PAQR5: variants seen among roughly 807,000 people sequenced by gnomAD.
The protein encoded by PAQR5 is membrane progestin receptor gamma.
A neutral mutation model predicts 34.5 loss-of-function variants in PAQR5; 20 were observed. That is an observed-to-expected ratio of 0.58 (90% CI 0.41 to 0.84). PAQR5 has a LOEUF of 0.84. Ranked by LOEUF, PAQR5 falls within the 40% of genes least tolerant of loss-of-function variation. The pLI is 0.00. For synonymous variants in PAQR5, 131 were observed against 155.6 expected (o/e 0.84, Z 1.18); for missense variants, 378 against 412.7 (o/e 0.92, Z 0.73).
At chr15:69,401,004 G>A (rs540039243) in intron 8 of PAQR5, 3 of 152,368 alleles carry the variant, frequency 2.0e-5, no homozygotes, top group Admixed American at 6.5e-5. Context: ...AGATGAACCT[G>A]AGCTCACTTA....
chr15:69,352,745 C>A (rs557579486), intron 2 of PAQR5, among the ~76,000 whole-genome samples: 2 of 152,148 alleles, frequency 1.3e-5, no homozygotes, highest in Non-Finnish European at 2.9e-5. Flanking sequence ...TGCTTGGAAG[C>A]AGAAATGGCC....
intron 3 of PAQR5, among the ~76,000 whole-genome samples, chr15:69,367,969 A>T (rs558954296): frequency 3.6e-4 from 55 of 152,148 alleles, no homozygotes; most frequent in Non-Finnish European, 7.2e-4. Flanking sequence ...GGCCAAAAAC[A>T]ATTCCCATGG....
At chr15:69,368,317 T>C (rs901751623) in intron 3 of PAQR5, among the ~76,000 whole-genome samples, 6 of 152,234 alleles carry the variant, frequency 3.9e-5, no homozygotes, top group African/African-American at 1.2e-4. Context: ...CCTCCCAAAG[T>C]GCTGGGATTA....
rs2140915423 is a variant in PAQR5 at position 69,379,885 on chromosome 15, G to A, written c.54G>A (p.Val18=). Reference sequence around the variant, plus strand: ...GTCCTTTTCCTTTGCCTCTGCAGGTGTTCCATGAGCAAGGCATCCTGTTCG... The same window carrying A: ...GTCCTTTTCCTTTGCCTCTGCAGGTATTCCATGAGCAAGGCATCCTGTTCG... ...RLFSIDQIPQ[V]FHEQGILFGY... The change falls in exon 4 of 9, where the codon GTG becomes GTA. Residue 18 remains valine, a splice_region_variant and synonymous_variant. Transcript: ENST00000395407. 6.2e-7 allele frequency: 1 copy of A among 1,613,652 alleles called. No homozygotes were observed.
intron 1 of PAQR5, among the ~76,000 whole-genome samples, chr15:69,308,532 A>G (rs1299139063): frequency 1.3e-5 from 2 of 152,094 alleles, no homozygotes; most frequent in Non-Finnish European, 2.9e-5. Flanking sequence ...TATGCAACAG[A>G]TGCCAGTAGC....
intron 2 of PAQR5, among the ~76,000 whole-genome samples, chr15:69,355,344 T>TTTCTTTTTTTCTTTCTTTCTTTC (rs2055042883): frequency 1.8e-5 from 1 of 56,218 alleles, no homozygotes; most frequent in African/African-American, 6.8e-5. Flanking sequence ...TTCTTTCTTT[T>TTTCTTTTTTTCTTTCTTTCTTTC]TTTCTTTCTT....
chr15:69,309,147 T>C (rs1381193833), intron 1 of PAQR5, among the ~76,000 whole-genome samples: 1 of 151,634 alleles, frequency 6.6e-6, no homozygotes, highest in African/African-American at 2.4e-5. Context: ...AGCCATGGGG[T>C]GGATGGGACA....
At chr15:69,389,524 C>A in intron 5 of PAQR5, 130 bp from the exon 6 acceptor site, 1 of 1,163,862 alleles carries the variant, frequency 8.6e-7, no homozygotes, top group Non-Finnish European at 1.2e-6. Flanking sequence ...GGGAATGGCA[C>A]CAGCGAGGGC....
At chr15:69,331,415 T>C (rs2054377240) in intron 1 of PAQR5, among the ~76,000 whole-genome samples, 1 of 152,154 alleles carries the variant, frequency 6.6e-6, no homozygotes, top group African/African-American at 2.4e-5. Context: ...AATAGGAGGA[T>C]AGTTTGGAAG....
chr15:69,330,916 C>T (rs1425409733), intron 1 of PAQR5, among the ~76,000 whole-genome samples: 1 of 152,202 alleles, frequency 6.6e-6, no homozygotes, highest in Non-Finnish European at 1.5e-5. Flanking sequence ...TGGCTACCTG[C>T]CCATGGTTCG....
intron 8 of PAQR5, among the ~76,000 whole-genome samples, chr15:69,402,300 T>G (rs1234359542): frequency 1.3e-5 from 2 of 152,048 alleles, no homozygotes; most frequent in African/African-American, 2.4e-5. Flanking sequence ...TGCATGTCTG[T>G]GTCCTAATCT....
At chr15:69,395,193 G>A (rs1056030132) in intron 6 of PAQR5, among the ~76,000 whole-genome samples, 1 of 152,216 alleles carries the variant, frequency 6.6e-6, no homozygotes, top group African/African-American at 2.4e-5. Context: ...GAAGGCCGGT[G>A]AGGCAGATAC....
intron 1 of PAQR5, among the ~76,000 whole-genome samples, chr15:69,300,942 T>TCCTTCTTTCTTTCTTC (rs1417159691): frequency 4.2e-5 from 1 of 24,070 alleles, no homozygotes; most frequent in East Asian, 1.3e-3. Flanking sequence ...TCTCTCTCTT[T>TCCTTCTTTCTTTCTTC]CTTTCCTTCT....
At chr15:69,394,378 G>A (rs765016411) in intron 6 of PAQR5, among the ~76,000 whole-genome samples, 2 of 152,120 alleles carry the variant, frequency 1.3e-5, no homozygotes, top group African/African-American at 2.4e-5. Flanking sequence ...ATGGGGAAAT[G>A]TCTACATCCC....
chr15:69,328,913 C>T (rs1003019923), intron 1 of PAQR5, among the ~76,000 whole-genome samples: 6 of 152,220 alleles, frequency 3.9e-5, no homozygotes, highest in Non-Finnish European at 7.3e-5. Context: ...TCCCAGCCAC[C>T]GGACCAGTTT....
intron 1 of PAQR5, among the ~76,000 whole-genome samples, chr15:69,306,373 A>G (rs1034190498): frequency 1.4e-5 from 2 of 145,068 alleles, no homozygotes; most frequent in African/African-American, 5.0e-5. Context: ...TTTAACCTTT[A>G]CCATTTAACC....
At chr15:69,327,745 G>A (rs1299452820) in intron 1 of PAQR5, among the ~76,000 whole-genome samples, 1 of 152,098 alleles carries the variant, frequency 6.6e-6, no homozygotes, top group Non-Finnish European at 1.5e-5. Context: ...TTTCCAGCAA[G>A]AACAGTTTTA....
At chr15:69,373,804 A>G (rs993120656) in intron 3 of PAQR5, among the ~76,000 whole-genome samples, 3 of 152,076 alleles carry the variant, frequency 2.0e-5, no homozygotes, top group Non-Finnish European at 2.9e-5. Flanking sequence ...AGGTTTCACT[A>G]TGTTGGCCAG....
intron 3 of PAQR5, among the ~76,000 whole-genome samples, chr15:69,374,349 C>T (rs551528791): frequency 1.5e-3 from 233 of 152,262 alleles, no homozygotes; most frequent in African/African-American, 5.1e-3. Flanking sequence ...GAGCCTGGTG[C>T]ACCGCAGGTA....
Sources: gnomAD v4.1 joint callset for allele counts (sites outside exome capture counted in the v4.1 genomes callset) on GRCh38, gnomAD v4.1.1 for gene constraint, MANE v1.5 for transcripts, NCBI Gene and HGNC (gene_info 2026-07-23, HGNC 2026-07-21) for gene names.